Variants in BDNF observed in about 807,000 individuals in gnomAD.
BDNF encodes the protein brain derived neurotrophic factor.
Under a neutral mutation model 19.5 loss-of-function variants are expected in BDNF, and 1 was observed. The observed-to-expected ratio is 0.05, with a 90% CI of 0.02 to 0.24. The LOEUF is 0.24. Among genes scored for constraint, BDNF ranks in the 10% least tolerant of loss-of-function variants. The probability of loss-of-function intolerance (pLI) is 1.00; values close to 1 mark genes in which losing one functional copy is unlikely to be tolerated. For missense variants in BDNF, 195 were observed against 317.6 expected, an observed-to-expected ratio of 0.61 and a Z score of 2.93; for synonymous variants, 100 against 121.6, an observed-to-expected ratio of 0.82 and a Z score of 1.17.
chr11:27,692,705 T>C (rs1858465359), intron 1 of BDNF, among the ~76,000 whole-genome samples: 1 of 152,152 alleles, frequency 6.6e-6, no homozygotes, highest in Non-Finnish European at 1.5e-5. Flanking sequence ...CATTCAATAT[T>C]TGCTAAATTA....
At chr11:27,683,001 T>C (rs994236700) in intron 1 of BDNF, among the ~76,000 whole-genome samples, 3 of 152,228 alleles carry the variant, frequency 2.0e-5, no homozygotes, top group African/African-American at 4.8e-5. Flanking sequence ...TCCACAATGG[T>C]TGAACTAATT....
chr11:27,665,521 G>A (rs1854155028), intron 1 of BDNF: 1 of 152,328 alleles, frequency 6.6e-6, no homozygotes, highest in Non-Finnish European at 1.5e-5. Context: ...TCCTAGCCAA[G>A]GGAAGCCATG....
chr11:27,687,469 C>A (rs780287454), intron 1 of BDNF, among the ~76,000 whole-genome samples: 1 of 152,186 alleles, frequency 6.6e-6, no homozygotes, highest in East Asian at 1.9e-4. Context: ...GAGTTGTGCT[C>A]CCTTGGAGGA....
At chr11:27,691,461 CTTACT>C (rs1564979432) in intron 1 of BDNF, among the ~76,000 whole-genome samples, 2 of 152,132 alleles carry the variant, frequency 1.3e-5, no homozygotes, top group Admixed American at 6.5e-5. Flanking sequence ...ATATAACATT[CTTACT>C]TTAAGAAAAA....
Position 27,699,573 on chromosome 11 carries a change from G to A in BDNF, c.-22+591C>T, listed in dbSNP as rs950215018. 6.0e-6 allele frequency: 9 copies of A among 1,511,232 alleles called. No homozygotes were observed. The African/African-American group carries it at 7.0e-5, about 12-fold the overall frequency. 93.6% of individuals were successfully genotyped at this position (1,511,232 alleles called of 1,614,324 possible). The stretch of plus-strand genomic sequence containing the variant: ...GTCGCAGACCCTTTCAGTTCCCAGC[G>A]GTAGGAATTCCGCCTCCCAAGTTTT... On this transcript the variant is annotated intron_variant, in intron 1 of 1. Transcript: ENST00000356660.
intron 1 of BDNF, among the ~76,000 whole-genome samples, chr11:27,680,318 T>C (rs1856682874): frequency 6.6e-6 from 1 of 152,216 alleles, no homozygotes; most frequent in Non-Finnish European, 1.5e-5. Context: ...GAGAAAGGCC[T>C]TTGGCCCAAG....
chr11:27,695,951 A>G (rs188924543), intron 1 of BDNF, among the ~76,000 whole-genome samples: 2 of 152,188 alleles, frequency 1.3e-5, no homozygotes, highest in Admixed American at 1.3e-4. Context: ...AAATTTTTCT[A>G]CAGAAAAGAG....
intron 1 of BDNF, among the ~76,000 whole-genome samples, chr11:27,691,707 C>A (rs937477708): frequency 2.0e-5 from 3 of 152,046 alleles, no homozygotes; most frequent in African/African-American, 7.2e-5. Flanking sequence ...TGCTTAATCT[C>A]CAGCTGTTCT....
chr11:27,712,041 G>A (rs1860346077), intron 1 of BDNF, among the ~76,000 whole-genome samples: 1 of 152,156 alleles, frequency 6.6e-6, no homozygotes, highest in South Asian at 2.1e-4. Context: ...CCATACCCTG[G>A]CCTTCTCAGT....
chr11:27,695,268 T>A (rs1858851471), intron 1 of BDNF, among the ~76,000 whole-genome samples: 1 of 152,236 alleles, frequency 6.6e-6, no homozygotes, highest in Non-Finnish European at 1.5e-5. Context: ...TTTCTTTGAA[T>A]TCCCATTTTA....
chr11:27,700,822 C>G (rs1204803974), upstream of BDNF: 33 of 1,227,020 alleles, frequency 2.7e-5, no homozygotes, highest in Non-Finnish European at 3.5e-5. Context: ...TGCAGAAACC[C>G]CGGCTGTGGG....
chr11:27,712,669 C>T (rs902588112), intron 1 of BDNF, among the ~76,000 whole-genome samples: 1 of 152,016 alleles, frequency 6.6e-6, no homozygotes, highest in African/African-American at 2.4e-5. Flanking sequence ...GTACATGCCA[C>T]CACGCCCAGC....
chr11:27,673,918 T>A, intron 1 of BDNF: 1 of 1,004,800 alleles, frequency 1.0e-6, no homozygotes, highest in Non-Finnish European at 1.4e-6. Context: ...ACAAGAGAGA[T>A]GAAAACAGGT....
At chr11:27,683,777 G>A (rs1857142568) in intron 1 of BDNF, among the ~76,000 whole-genome samples, 1 of 152,132 alleles carries the variant, frequency 6.6e-6, no homozygotes, top group East Asian at 1.9e-4. Context: ...ATCTGTTTAT[G>A]TACCAGTACC....
intron 1 of BDNF, among the ~76,000 whole-genome samples, chr11:27,670,366 A>C (rs1413201126): frequency 6.6e-6 from 1 of 152,234 alleles, no homozygotes; most frequent in Non-Finnish European, 1.5e-5. Flanking sequence ...CTTCATGACT[A>C]AAACACCAAA....
chr11:27,686,937 T>C (rs1481072453), intron 1 of BDNF, among the ~76,000 whole-genome samples: 1 of 152,218 alleles, frequency 6.6e-6, no homozygotes, highest in African/African-American at 2.4e-5. Context: ...ATTTCCTGAA[T>C]TTGAATGTTG....
At chr11:27,720,829 C>T in intron 1 of BDNF, 2 of 972,452 alleles carry the variant, frequency 2.1e-6, no homozygotes, top group Non-Finnish European at 2.4e-6. Flanking sequence ...GTGCGGATGG[C>T]TTTGCCAAAG....
Position 27,658,786 on chromosome 11 carries a change from A to G in BDNF, c.-21-201T>C. 6.9e-7 allele frequency: 1 copy of G among 1,450,998 alleles called. No homozygotes were observed. Among genetic ancestry groups the G allele is most frequent in the Admixed American group, 2.8e-5 (1 of 36,152 alleles). 89.9% of individuals were successfully genotyped at this position (1,450,998 alleles called of 1,614,324 possible). ...ATGTGGTTTAATATAAACCAGAGAC[A>G]TGCAGTGTTTCCCCCAAGATCTAGC... On this transcript the variant is annotated intron_variant, in intron 1 of 1. Coordinates refer to ENST00000356660, the MANE Select transcript of BDNF (RefSeq NM_001709.5). This position sits in a 1 kb window ranked among gnomAD's most constrained non-coding sequence, Gnocchi z 5.7.
rs1384827111 is a variant in BDNF at position 27,657,135 on chromosome 11, T to C, written c.*686A>G. 2.0e-6 allele frequency: 2 copies of C among 983,380 alleles called. No homozygotes were observed. Among genetic ancestry groups the C allele is most frequent in the African/African-American group, 3.5e-5 (2 of 57,144 alleles). The allele number at this position is 983,380 out of a possible 1,614,324, so 60.9% of individuals were successfully genotyped here. A position where few individuals can be genotyped will look rare whatever the true frequency, so the allele number is the denominator to read the frequency against. The stretch of plus-strand genomic sequence containing the variant: ...CACTTTCTAGTCATCTGATCGATAT[T>C]GCAAACATCTTCACAACATACAAAT... On this transcript the variant is annotated 3_prime_UTR_variant, in exon 2 of 2. Coordinates refer to ENST00000356660, the MANE Select transcript of BDNF (RefSeq NM_001709.5). This position sits in a 1 kb window ranked among gnomAD's most constrained non-coding sequence, Gnocchi z 5.0.
Sources: allele counts gnomAD v4.1 joint callset (sites outside exome capture counted in the v4.1 genomes callset), GRCh38; gene constraint gnomAD v4.1.1; non-coding constraint Gnocchi (gnomAD v3.1); transcripts MANE v1.5; gene names NCBI Gene and HGNC (gene_info 2026-07-23, HGNC 2026-07-21).